Variants in NFILZ observed in about 807,000 individuals in gnomAD.
The protein encoded by NFILZ is NFIL3 like basic leucine zipper.
At chr19:8,632,245 AGTGTGTGTGTGTGT>A (rs35056229) in intron 1 of NFILZ, among the ~76,000 whole-genome samples, 1 of 145,236 alleles carries the variant, frequency 6.9e-6, no homozygotes, top group African/African-American at 2.5e-5. Context: ...CCCGCCATAC[AGTGTGTGTGTGTGT>A]GTGTGTGTGT....
At chr19:8,653,011 C>CTTTCTTTCTTTCTTTCTTT (rs2042974022) in intron 3 of NFILZ, among the ~76,000 whole-genome samples, 3 of 52,878 alleles carry the variant, frequency 5.7e-5, no homozygotes, top group Non-Finnish European at 1.0e-4. Flanking sequence ...TTCCTTCCTT[C>CTTTCTTTCTTTCTTTCTTT]CTTTCTTTCT....
chr19:8,654,232 CAAAACAAACAAACA>C (rs1190773589), intron 3 of NFILZ, among the ~76,000 whole-genome samples: 1 of 145,872 alleles, frequency 6.9e-6, no homozygotes, highest in Non-Finnish European at 1.5e-5. Context: ...AATTCTGTCT[CAAAACAAACAAACA>C]AAAACAAACA....
chr19:8,635,835 GT>G (rs1568416862), intron 3 of NFILZ, 89 bp downstream of exon 3: 1 of 151,744 alleles, frequency 6.6e-6, no homozygotes, highest in East Asian at 1.9e-4. Context: ...TTATTTATTT[GT>G]TTATTTATTT....
chr19:8,640,562 C>T (rs955550573), intron 3 of NFILZ, among the ~76,000 whole-genome samples: 1 of 151,990 alleles, frequency 6.6e-6, no homozygotes, highest in Non-Finnish European at 1.5e-5. Context: ...CTGCTGCTCC[C>T]GGGTGGGTAA....
intron 3 of NFILZ, among the ~76,000 whole-genome samples, chr19:8,663,134 CT>C (rs1179140206): frequency 6.6e-6 from 1 of 151,088 alleles, no homozygotes; most frequent in Non-Finnish European, 1.5e-5. Flanking sequence ...TTGTTTTTTG[CT>C]TTTTTAAGAG....
rs1242496559 is a variant in NFILZ at position 8,678,822 on chromosome 19, C to CCACT, written c.*1191_*1194dup. 3.3e-5 allele frequency among the ~76,000 whole-genome samples: 5 copies of CCACT among 152,172 alleles called. No individual in the cohort carries two copies. The highest frequency in any genetic ancestry group is 1.2e-4 in the African/African-American group (5 of 41,416). On this transcript the variant is annotated 3_prime_UTR_variant, in exon 6 of 6. Coordinates refer to ENST00000691075, the MANE Select transcript of NFILZ (RefSeq NM_001378600.1). ...ATAATTCACTTGTCCCCTCACCCAC[C>CCACT]CACTCACGATCTTTAGACCTTCCTT...
intron 3 of NFILZ, among the ~76,000 whole-genome samples, chr19:8,656,531 C>G (rs1242122911): frequency 1.3e-5 from 2 of 149,442 alleles, no homozygotes; most frequent in South Asian, 2.1e-4. Flanking sequence ...CACCTTCTCT[C>G]TGAAGCTCCC....
chr19:8,669,726 C>T (rs111657727), intron 3 of NFILZ, among the ~76,000 whole-genome samples: 2,176 of 152,236 alleles, frequency 0.014, 59 homozygotes, highest in African/African-American at 0.049. Context: ...TCTGGCTGTG[C>T]GACCTCAGGC....
intron 3 of NFILZ, among the ~76,000 whole-genome samples, chr19:8,653,997 G>A (rs782567509): frequency 7.9e-5 from 12 of 152,148 alleles, no homozygotes; most frequent in Non-Finnish European, 1.6e-4. Context: ...GGGAGGCCAA[G>A]GCAGGTGGAT....
intron 3 of NFILZ, among the ~76,000 whole-genome samples, chr19:8,654,227 T>C (rs1162576756): frequency 6.7e-6 from 1 of 149,528 alleles, no homozygotes; most frequent in Non-Finnish European, 1.5e-5. Flanking sequence ...AGTGAAATTC[T>C]GTCTCAAAAC....
chr19:8,666,341 T>C (rs1221037705), intron 3 of NFILZ, among the ~76,000 whole-genome samples: 4 of 151,852 alleles, frequency 2.6e-5, no homozygotes, highest in Non-Finnish European at 4.4e-5. Flanking sequence ...GCTTCATTTT[T>C]TTTTTTGATT....
At chr19:8,651,030 A>G (rs781911769) in intron 3 of NFILZ, among the ~76,000 whole-genome samples, 2 of 152,240 alleles carry the variant, frequency 1.3e-5, no homozygotes, top group Admixed American at 6.6e-5. Flanking sequence ...TTTATGGAGT[A>G]TATGTGATAT....
At chr19:8,648,635 T>A (rs1250704447) in intron 3 of NFILZ, among the ~76,000 whole-genome samples, 3 of 151,910 alleles carry the variant, frequency 2.0e-5, no homozygotes, top group Non-Finnish European at 2.9e-5. Flanking sequence ...CTGGCCAACA[T>A]GGTGAAACCC....
intron 3 of NFILZ, among the ~76,000 whole-genome samples, chr19:8,648,118 G>A (rs1479008372): frequency 2.1e-5 from 3 of 141,822 alleles, no homozygotes; most frequent in African/African-American, 7.8e-5. Context: ...AGCTTGCAGT[G>A]AGCCGAGATT....
In NFILZ at chr19:8,656,281, T is replaced by A. The variant is rs2967711; in HGVS notation, c.-163-18270T>A. Among the ~76,000 whole-genome samples, 3 of 53,490 alleles carry A rather than the reference T, an allele frequency of 5.6e-5. 1 individual carries two copies. The highest frequency in any genetic ancestry group is 1.4e-4 in the Non-Finnish European group (3 of 21,608). The allele number at this position is 53,490 out of a possible 152,430, so 35.1% of individuals were successfully genotyped here. A position where few individuals can be genotyped will look rare whatever the true frequency, so the allele number is the denominator to read the frequency against. ...CCCATCTTCTCTCTGAAGCCCACCT[T>A]CTCCCCACAGCCCACCTCCTCCCGC... On this transcript the variant is annotated intron_variant, in intron 3 of 5. Coordinates refer to ENST00000691075, the MANE Select transcript of NFILZ (RefSeq NM_001378600.1).
Position 8,652,981 on chromosome 19 carries a change from TTC to T in NFILZ, c.-164+17236_-164+17237del, listed in dbSNP as rs2042972425. ...TTCCCTTCCTTCCCTCCTTCCTTCC[TTC>T]CTTCCTTCCTTCCTTCCTTCCTTCC... On this transcript the variant is annotated intron_variant, in intron 3 of 5. Coordinates refer to ENST00000691075, the MANE Select transcript of NFILZ (RefSeq NM_001378600.1). Among the ~76,000 whole-genome samples the T allele has an allele frequency of 1.4e-3, 122 of 88,054 alleles. 4 individuals carry two copies. The highest frequency in any genetic ancestry group is 0.011 in the Middle Eastern group (2 of 180). 57.8% of individuals were successfully genotyped at this position (88,054 alleles called of 152,430 possible).
At position 8,678,077 on chromosome 19, in the gene NFILZ, A is replaced by T. The variant is rs57579150; in HGVS notation, c.*442A>T. Among the ~76,000 whole-genome samples, 10 of 6,102 alleles carry T rather than the reference A, an allele frequency of 1.6e-3. No homozygotes were observed. Among genetic ancestry groups the T allele is most frequent in the African/African-American group, 2.4e-3 (3 of 1,270 alleles). 4.0% of individuals were successfully genotyped at this position (6,102 alleles called of 152,430 possible). A position where few individuals can be genotyped will look rare whatever the true frequency, so the allele number is the denominator to read the frequency against. ...CCACCCATCTATTCATCCATCCATC[A>T]ATCCATCCATCCATTCCATCCATCC... is the stretch of plus-strand genomic sequence containing the variant. On this transcript the variant is annotated 3_prime_UTR_variant, in exon 6 of 6. Transcript: ENST00000691075.
chr19:8,663,754 G>GTGTATGTGTGTA lies in NFILZ; in HGVS notation c.-163-10794_-163-10793insATGTGTGTATGT, dbSNP rs1555674962. On this transcript the variant is annotated intron_variant, in intron 3 of 5. Transcript: ENST00000691075. ...TGTGTGTGTGTGTGTGTGTGTGTGT[G>GTGTATGTGTGTA]TGTGTGTGTGTGTGTGTATGTATGT... is the stretch of plus-strand genomic sequence containing the variant. 7.5e-4 allele frequency among the ~76,000 whole-genome samples: 88 copies of GTGTATGTGTGTA among 117,532 alleles called. 2 individuals carry two copies. Among genetic ancestry groups the GTGTATGTGTGTA allele is most frequent in the Middle Eastern group, 4.4e-3 (1 of 226 alleles). 77.1% of individuals were successfully genotyped at this position (117,532 alleles called of 152,430 possible). A position where few individuals can be genotyped will look rare whatever the true frequency, so the allele number is the denominator to read the frequency against.
chr19:8,642,509 C>T (rs562287538), intron 3 of NFILZ, among the ~76,000 whole-genome samples: 100 of 152,260 alleles, frequency 6.6e-4, no homozygotes, highest in South Asian at 2.5e-3. Flanking sequence ...GTTCTTCTGT[C>T]GGTCTTGCTT....
Sources: allele counts gnomAD v4.1 joint callset (sites outside exome capture counted in the v4.1 genomes callset), GRCh38; gene constraint gnomAD v4.1.1; transcripts MANE v1.5; gene names NCBI Gene and HGNC (gene_info 2026-07-23, HGNC 2026-07-21).